The following SYT12 variants were observed in gnomAD, a reference collection of about 807,000 sequenced individuals.
SYT12 encodes synaptotagmin-12.
In SYT12, 27 loss-of-function variants were observed where a neutral mutation model predicts 39.5. The ratio of observed to expected loss-of-function variants is 0.68; its 90% confidence interval spans 0.50 to 0.94. The LOEUF is 0.94. Ranked by LOEUF, SYT12 falls within the 40% of genes least tolerant of loss-of-function variation. The pLI is 0.00. For synonymous variants in SYT12, 233 were observed against 239.7 expected (o/e 0.97, Z 0.26); for missense variants, 536 against 572.6 (o/e 0.94, Z 0.65).
intron 1 of SYT12, among the ~76,000 whole-genome samples, chr11:67,025,779 TG>T (rs2098747646): frequency 1.3e-5 from 2 of 152,130 alleles, no homozygotes; most frequent in South Asian, 4.2e-4. Flanking sequence ...TGCCCTTCTC[TG>T]AGCCTCCCTC....
chr11:67,018,245 AAGAGCG>A (rs930512409), upstream of SYT12, among the ~76,000 whole-genome samples: 3 of 151,750 alleles, frequency 2.0e-5, no homozygotes, highest in Non-Finnish European at 2.9e-5. Context: ...CCTGGGGGAC[AAGAGCG>A]AAACTCTGTC....
intron 3 of SYT12, among the ~76,000 whole-genome samples, chr11:67,036,185 A>G (rs936360217): frequency 2.0e-5 from 3 of 151,878 alleles, no homozygotes; most frequent in African/African-American, 7.3e-5. Context: ...CCAAAGTGCT[A>G]GGATTACAGG....
Position 67,043,955 on chromosome 11 carries a change from C to T in SYT12, c.837+102C>T, listed in dbSNP as rs1447183755. The T allele has an allele frequency of 3.6e-6, 4 of 1,109,804 alleles. No individual in the cohort carries two copies. In the East Asian group the frequency reaches 1.0e-4, roughly 28 times the overall value. The allele number at this position is 1,109,804 out of a possible 1,614,324, so 68.7% of individuals were successfully genotyped here. ...TCATCATCCTCTGCAATAGCCTGAG[C>T]CCCATCATCATTAGGAGAGCAGAGA... On this transcript the variant is annotated intron_variant, in intron 5 of 7. Coordinates refer to ENST00000527043, the MANE Select transcript of SYT12 (RefSeq NM_177963.4).
chr11:67,019,449 G>A (rs1201477562), upstream of SYT12, among the ~76,000 whole-genome samples: 2 of 151,140 alleles, frequency 1.3e-5, no homozygotes, highest in African/African-American at 4.9e-5. Flanking sequence ...TCCAGCCTGG[G>A]CAACAAGAGC....
upstream of SYT12, among the ~76,000 whole-genome samples, chr11:67,020,212 G>A (rs747378267): frequency 6.6e-6 from 1 of 152,156 alleles, no homozygotes; most frequent in Non-Finnish European, 1.5e-5. Flanking sequence ...CTGTTGGTGA[G>A]AGCAGGGAAA....
chr11:67,043,345 C>T (rs571346872), intron 4 of SYT12, among the ~76,000 whole-genome samples: 120 of 152,226 alleles, frequency 7.9e-4, no homozygotes, highest in Non-Finnish European at 1.5e-3. Flanking sequence ...GAGACCAGCT[C>T]GTCCAGGGCA....
intron 7 of SYT12, among the ~76,000 whole-genome samples, chr11:67,047,021 A>G (rs945598596): frequency 1.3e-5 from 2 of 151,704 alleles, no homozygotes; most frequent in African/African-American, 4.8e-5. Context: ...CTGGAGTGCA[A>G]TGGTGTGAAC....
chr11:67,046,542 C>T (rs1001139370), intron 7 of SYT12, among the ~76,000 whole-genome samples: 17 of 152,258 alleles, frequency 1.1e-4, no homozygotes, highest in Non-Finnish European at 8.8e-5. Flanking sequence ...TCTCCCCCAA[C>T]CCGGGGACCC....
In SYT12 at chr11:67,048,876, T is replaced by A; in HGVS notation, c.*119T>A. On this transcript the variant is annotated 3_prime_UTR_variant, in exon 8 of 8. Transcript: ENST00000527043. ...TGAACACTGGGGTCCCCTGGCAGAG[T>A]CCTCATGACCCATCCTGGTCTCTCT... 8.5e-7 allele frequency: 1 copy of A among 1,180,718 alleles called. No homozygotes were observed. Among genetic ancestry groups the A allele is most frequent in the Non-Finnish European group, 1.2e-6 (1 of 847,886 alleles). 73.1% of individuals were successfully genotyped at this position (1,180,718 alleles called of 1,614,324 possible).
upstream of SYT12, among the ~76,000 whole-genome samples, chr11:67,019,424 A>G (rs1950086057): frequency 6.6e-6 from 1 of 151,764 alleles, no homozygotes; most frequent in Non-Finnish European, 1.5e-5. Context: ...GTGAGCCAAG[A>G]TCGTGCCATT....
In SYT12 at chr11:67,041,913, C is replaced by T. The variant is rs1051484319; in HGVS notation, c.621+1710C>T. On this transcript the variant is annotated intron_variant, in intron 4 of 7. Transcript: ENST00000527043. ...TAAAGCGTGAGGGGCAGGGAAGGTG[C>T]CCAGTCCCTTAGGCTACCCTCCACA... Among the ~76,000 whole-genome samples, 7 of 152,144 alleles carry T rather than the reference C, an allele frequency of 4.6e-5. No individual in the cohort carries two copies. The South Asian group carries it at 1.0e-3, about 23-fold the overall frequency.
chr11:67,033,014 G>A (rs1950299286), intron 2 of SYT12: 1 of 152,822 alleles, frequency 6.5e-6, no homozygotes. Context: ...TCAGTGCTGT[G>A]GACTCTGGCC....
chr11:67,036,017 C>T (rs1051936665), intron 3 of SYT12, among the ~76,000 whole-genome samples: 6 of 151,150 alleles, frequency 4.0e-5, no homozygotes, highest in Admixed American at 2.6e-4. Context: ...TGGGTTCAAG[C>T]GATCCTCCCA....
chr11:67,043,634 G>A lies in SYT12; in HGVS notation c.622-4G>A, dbSNP rs912425600. ...AGCGCCCTCCATGGCCTTTTCTCCT[G>A]CAGATCCAGAGAAATGCCTACTCCA... On this transcript the variant is annotated splice_region_variant and splice_polypyrimidine_tract_variant and intron_variant, in intron 4 of 7. Transcript: ENST00000527043. The A allele has an allele frequency of 1.4e-5, 23 of 1,613,874 alleles. No individual in the cohort carries two copies. Among genetic ancestry groups the A allele is most frequent in the Non-Finnish European group, 1.8e-5 (21 of 1,180,026 alleles).
At chr11:67,035,850 C>CTT (rs1222352020) in intron 3 of SYT12, among the ~76,000 whole-genome samples, 1 of 119,682 alleles carries the variant, frequency 8.4e-6, no homozygotes, top group African/African-American at 3.7e-5. Context: ...TTCTTTCTTT[C>CTT]TTTCTTTCTT....
rs1047998415 is a variant in SYT12 at position 67,049,476 on chromosome 11, A to G, written c.*719A>G. 2.6e-5 allele frequency: 4 copies of G among 152,302 alleles called. No individual in the cohort carries two copies. Among genetic ancestry groups the G allele is most frequent in the African/African-American group, 9.7e-5 (4 of 41,446 alleles). 9.4% of individuals were successfully genotyped at this position (152,302 alleles called of 1,614,324 possible). On this transcript the variant is annotated 3_prime_UTR_variant, in exon 8 of 8. Coordinates refer to ENST00000527043, the MANE Select transcript of SYT12 (RefSeq NM_177963.4). Reference sequence around the variant, plus strand: ...CTGGCTCCGGAGTTATTCTCTGTCAAATCTACTCCCCGGACCTCAACCATG... The same window carrying G: ...CTGGCTCCGGAGTTATTCTCTGTCAGATCTACTCCCCGGACCTCAACCATG...
Position 67,049,984 on chromosome 11 carries a change from G to A in SYT12, c.*1227G>A, listed in dbSNP as rs781073857. ...GGCAAGTAGTTTCTTGCGGGTGAGTGTTCTCAGAGAAACTTACCAGATCAA... is the reference window on the plus strand; with the variant it reads ...GGCAAGTAGTTTCTTGCGGGTGAGTATTCTCAGAGAAACTTACCAGATCAA... On this transcript the variant is annotated 3_prime_UTR_variant, in exon 8 of 8. Coordinates refer to ENST00000527043, the MANE Select transcript of SYT12 (RefSeq NM_177963.4). The A allele has an allele frequency of 2.0e-5, 3 of 152,246 alleles. No individual in the cohort carries two copies. Among genetic ancestry groups the A allele is most frequent in the Non-Finnish European group, 4.4e-5 (3 of 68,088 alleles). 9.4% of individuals were successfully genotyped at this position (152,246 alleles called of 1,614,324 possible). A position where few individuals can be genotyped will look rare whatever the true frequency, so the allele number is the denominator to read the frequency against.
At chr11:67,046,628 C>T (rs1202907806) in intron 7 of SYT12, among the ~76,000 whole-genome samples, 2 of 152,248 alleles carry the variant, frequency 1.3e-5, no homozygotes, top group Non-Finnish European at 2.9e-5. Context: ...ATCTCTGGCC[C>T]ATCCTGGGTA....
intron 2 of SYT12, chr11:67,031,277 C>T (rs1950262209): frequency 6.6e-6 from 1 of 152,324 alleles, no homozygotes; most frequent in Non-Finnish European, 1.5e-5. Flanking sequence ...GCAAACGCCA[C>T]TCTTCCAGTG....
Sources: allele counts gnomAD v4.1 joint callset (sites outside exome capture counted in the v4.1 genomes callset), GRCh38; gene constraint gnomAD v4.1.1; transcripts MANE v1.5; gene names NCBI Gene and HGNC (gene_info 2026-07-23, HGNC 2026-07-21).